The following RSU1 variants were observed in gnomAD, a reference collection of about 807,000 sequenced individuals.
RSU1 encodes Ras suppressor protein 1.
A neutral mutation model predicts 31.1 loss-of-function variants in RSU1; 26 were observed. The ratio of observed to expected loss-of-function variants is 0.84; its 90% confidence interval spans 0.61 to 1.16. RSU1 has a LOEUF of 1.16. Among genes scored for constraint, RSU1 ranks in the 50% most tolerant of loss-of-function variants. The pLI is 0.00. For missense variants in RSU1, 320 were observed against 339.1 expected (o/e 0.94, Z 0.44); for synonymous variants, 164 against 136.3 (o/e 1.20, Z -1.41).
At chr10:16,694,525 C>T (rs1835633874) in intron 8 of RSU1, among the ~76,000 whole-genome samples, 1 of 152,078 alleles carries the variant, frequency 6.6e-6, no homozygotes, top group African/African-American at 2.4e-5. Flanking sequence ...TTGAAAATAT[C>T]AATAAAAAAC....
chr10:16,637,458 T>A (rs1392862424), intron 8 of RSU1, among the ~76,000 whole-genome samples: 3 of 127,398 alleles, frequency 2.4e-5, no homozygotes, highest in African/African-American at 1.1e-4. Flanking sequence ...TTCCTAAGGA[T>A]TTTTTTTTTT....
chr10:16,783,413 C>G (rs1362484324), intron 2 of RSU1, among the ~76,000 whole-genome samples: 1 of 131,414 alleles, frequency 7.6e-6, no homozygotes, highest in Non-Finnish European at 1.5e-5. Context: ...TGGAATACAG[C>G]CACGCAATCT....
At chr10:16,604,046 A>C (rs1833756943) in intron 8 of RSU1, among the ~76,000 whole-genome samples, 1 of 152,200 alleles carries the variant, frequency 6.6e-6, no homozygotes, top group Non-Finnish European at 1.5e-5. Context: ...GATATGATAC[A>C]GTCACCAATG....
At chr10:16,717,958 G>C (rs1054482189) in intron 7 of RSU1, among the ~76,000 whole-genome samples, 5 of 151,796 alleles carry the variant, frequency 3.3e-5, no homozygotes, top group Admixed American at 6.6e-5. Flanking sequence ...CAACTGTCTT[G>C]GGTTAAAAAT....
chr10:16,722,654 T>G (rs200132861), intron 7 of RSU1, among the ~76,000 whole-genome samples: 1 of 152,096 alleles, frequency 6.6e-6, no homozygotes, highest in African/African-American at 2.4e-5. Context: ...TGGGTCTACA[T>G]AGCATTTACA....
chr10:16,679,142 AAACAATG>A (rs1362799677), intron 8 of RSU1, among the ~76,000 whole-genome samples: 2 of 152,170 alleles, frequency 1.3e-5, no homozygotes, highest in Non-Finnish European at 2.9e-5. Flanking sequence ...CTACCACCAA[AAACAATG>A]AACTGTATAA....
chr10:16,646,010 ATACATATATGTGTATATATATG>A lies in RSU1; in HGVS notation c.731+48991_731+49012del, dbSNP rs1834558358. ...CATATATGTGTATATATATGTGTAT[ATACATATATGTGTATATATATG>A]TGTATATACATATATGTGTATATAT... is the stretch of plus-strand genomic sequence containing the variant. On this transcript the variant is annotated intron_variant, in intron 8 of 8. Transcript: ENST00000345264. Among the ~76,000 whole-genome samples the A allele has an allele frequency of 2.0e-5, 2 of 102,432 alleles. 1 individual carries two copies. The highest frequency in any genetic ancestry group is 9.7e-5 in the African/African-American group (2 of 20,658). 67.2% of individuals were successfully genotyped at this position (102,432 alleles called of 152,430 possible).
rs1368380140 is a variant in RSU1, at chr10:16,811,598, A to T, written c.109+5375T>A. ...AATGTCAGAGGACTGACAAAAAGTC[A>T]AATGCCATTACCGATTCAGTCATGC... On this transcript the variant is annotated intron_variant, in intron 2 of 8. Transcript: ENST00000345264. Among the ~76,000 whole-genome samples, 3 of 152,354 alleles carry T rather than the reference A, an allele frequency of 2.0e-5. No homozygotes were observed. In the East Asian group the frequency reaches 5.8e-4, roughly 29 times the overall value.
chr10:16,733,877 G>C (rs1836572308), intron 7 of RSU1, among the ~76,000 whole-genome samples: 1 of 152,186 alleles, frequency 6.6e-6, no homozygotes, highest in African/African-American at 2.4e-5. Flanking sequence ...TAACTTTTCT[G>C]CATTCTCTTA....
intron 8 of RSU1, among the ~76,000 whole-genome samples, chr10:16,663,203 A>G (rs916582386): frequency 6.6e-6 from 1 of 152,108 alleles, no homozygotes; most frequent in African/African-American, 2.4e-5. Flanking sequence ...AAATTTTTTC[A>G]AGGCAGTCCA....
intron 7 of RSU1, among the ~76,000 whole-genome samples, chr10:16,732,851 A>G (rs984042315): frequency 6.6e-6 from 1 of 152,280 alleles, no homozygotes. Flanking sequence ...TAAGAATTTA[A>G]TAAACATTTC....
At position 16,650,860 on chromosome 10, in the gene RSU1, C is replaced by T. The variant is rs991852747; in HGVS notation, c.731+44163G>A. 7.2e-5 allele frequency among the ~76,000 whole-genome samples: 11 copies of T among 152,052 alleles called. No individual in the cohort carries two copies. In the East Asian group the frequency reaches 1.2e-3, roughly 16 times the overall value. On this transcript the variant is annotated intron_variant, in intron 8 of 8. Coordinates refer to ENST00000345264, the MANE Select transcript of RSU1 (RefSeq NM_012425.4). ...CCTCCCAAAGTGCTGGGATTACAGG[C>T]GTGAGCCACTGCACCTGGCTGAAAA... is the stretch of plus-strand genomic sequence containing the variant.
At chr10:16,598,971 G>A (rs1362904164) in intron 8 of RSU1, among the ~76,000 whole-genome samples, 2 of 152,208 alleles carry the variant, frequency 1.3e-5, no homozygotes, top group Non-Finnish European at 2.9e-5. Context: ...GAGGCAAGGT[G>A]TGTCCCAAAG....
Position 16,649,386 on chromosome 10 carries a change from G to C in RSU1, c.731+45637C>G, listed in dbSNP as rs773297971. On this transcript the variant is annotated intron_variant, in intron 8 of 8. Transcript: ENST00000345264. ...ATTAAAAAGAAAAAGCATATTCAAA[G>C]GGGAAAATCTTATCAGTCTTTAAAA... Among the ~76,000 whole-genome samples the C allele has an allele frequency of 5.6e-4, 85 of 152,204 alleles. 1 individual carries two copies. The highest frequency in any genetic ancestry group is 9.9e-4 in the Non-Finnish European group (67 of 67,996).
intron 7 of RSU1, among the ~76,000 whole-genome samples, chr10:16,725,149 C>T (rs12253759): frequency 0.013 from 1,917 of 152,136 alleles, 41 homozygotes; most frequent in African/African-American, 0.044. Flanking sequence ...ATGTTATATG[C>T]GCTTTTGTGT....
chr10:16,683,248 G>T (rs17331552), intron 8 of RSU1, among the ~76,000 whole-genome samples: 20,347 of 151,276 alleles, frequency 0.13, 1,750 homozygotes, highest in Middle Eastern at 0.19. Flanking sequence ...TAAACAGAAC[G>T]TGTCTCCCTG....
intron 3 of RSU1, among the ~76,000 whole-genome samples, chr10:16,776,710 G>A (rs959561364): frequency 2.9e-4 from 44 of 151,452 alleles, no homozygotes; most frequent in African/African-American, 9.0e-4. Flanking sequence ...CATAAATGTC[G>A]GCTCCTCAAT....
At chr10:16,788,231 T>C (rs1262201369) in intron 2 of RSU1, among the ~76,000 whole-genome samples, 2 of 152,218 alleles carry the variant, frequency 1.3e-5, no homozygotes, top group South Asian at 2.1e-4. Context: ...GTTTCTCTCA[T>C]AGGCAGTCCA....
intron 2 of RSU1, among the ~76,000 whole-genome samples, chr10:16,801,550 T>C (rs1236733479): frequency 3.3e-5 from 5 of 152,152 alleles, no homozygotes; most frequent in South Asian, 2.1e-4. Flanking sequence ...CTGGATATAA[T>C]TGACATCTAT....
Sources: gnomAD v4.1 joint callset for allele counts (sites outside exome capture counted in the v4.1 genomes callset) on GRCh38, gnomAD v4.1.1 for gene constraint, MANE v1.5 for transcripts, NCBI Gene and HGNC (gene_info 2026-07-23, HGNC 2026-07-21) for gene names.